Variants in SMOX observed in about 807,000 individuals in gnomAD.
SMOX encodes the protein spermine oxidase.
In SMOX, 22 loss-of-function variants were observed where a neutral mutation model predicts 51.0. The observed-to-expected ratio is 0.43, with a 90% CI of 0.31 to 0.62. The LOEUF (loss-of-function observed/expected upper bound fraction) is 0.62. Ranked by LOEUF, SMOX falls within the 20% of genes least tolerant of loss-of-function variation. The pLI is 0.10. For synonymous variants in SMOX, 282 were observed against 307.8 expected (o/e 0.92, Z 0.88); for missense variants, 566 against 777.7 (o/e 0.73, Z 3.24).
chr20:4,154,386 C>CTTTTTTTTT (rs57727682), intron 1 of SMOX, among the ~76,000 whole-genome samples: 8 of 150,062 alleles, frequency 5.3e-5, no homozygotes, highest in East Asian at 3.9e-4. Flanking sequence ...TTCTTTCTTT[C>CTTTTTTTTT]TTTTTTTGAG....
intron 1 of SMOX, chr20:4,171,640 C>G (rs371018808): frequency 6.6e-6 from 1 of 152,228 alleles, no homozygotes; most frequent in Non-Finnish European, 1.5e-5. Context: ...TGCTTACTTG[C>G]GTGTCATTCC....
chr20:4,166,042 T>G lies in SMOX; in HGVS notation c.-26-8988T>G, dbSNP rs1024159559. Among the ~76,000 whole-genome samples the G allele has an allele frequency of 2.6e-5, 4 of 152,218 alleles. No individual in the cohort carries two copies. ...AACCTGGAGGTGGAAACTTAGCTGGTGGGGCTGGCCCAGAGCTTGAAAAGT... is the reference window on the plus strand; with the variant it reads ...AACCTGGAGGTGGAAACTTAGCTGGGGGGGCTGGCCCAGAGCTTGAAAAGT... On this transcript the variant is annotated intron_variant, in intron 1 of 6. Coordinates refer to ENST00000305958, the MANE Select transcript of SMOX (RefSeq NM_175839.3). The surrounding 1 kb of genome is among the most constrained non-coding windows in gnomAD (Gnocchi z 4.2).
chr20:4,164,335 A>G (rs1358514228), intron 1 of SMOX, among the ~76,000 whole-genome samples: 1 of 152,184 alleles, frequency 6.6e-6, no homozygotes, highest in East Asian at 1.9e-4. Flanking sequence ...GGAAAACATA[A>G]GGACTATTGC....
rs970229858 is a variant in SMOX at position 4,177,949 on chromosome 20, C to T, written c.435+372C>T. Reference sequence around the variant, plus strand: ...CAGTGATGGTGATGTTTTAGACCTTCGCTCTGCAGTGTGGTAGTCACTAGC... The same window carrying T: ...CAGTGATGGTGATGTTTTAGACCTTTGCTCTGCAGTGTGGTAGTCACTAGC... On this transcript the variant is annotated intron_variant, in intron 3 of 6. Coordinates refer to ENST00000305958, the MANE Select transcript of SMOX (RefSeq NM_175839.3). This position sits in a 1 kb window ranked among gnomAD's most constrained non-coding sequence, Gnocchi z 4.3. Among the ~76,000 whole-genome samples the T allele has an allele frequency of 1.3e-5, 2 of 152,144 alleles. No homozygotes were observed. The highest frequency in any genetic ancestry group is 2.1e-4 in the South Asian group (1 of 4,824).
At chr20:4,150,788 C>A (rs1179816254) in intron 1 of SMOX, among the ~76,000 whole-genome samples, 1 of 151,464 alleles carries the variant, frequency 6.6e-6, no homozygotes, top group Non-Finnish European at 1.5e-5. Context: ...ACTCCCCAGG[C>A]CTTCCCATCT....
intron 1 of SMOX, among the ~76,000 whole-genome samples, chr20:4,155,662 T>C (rs1985988655): frequency 6.6e-6 from 1 of 152,136 alleles, no homozygotes. Flanking sequence ...TGGGGTCGAA[T>C]TAGCAATTTG....
rs1448148870 is a variant in SMOX, at chr20:4,170,752, C to T, written c.-26-4278C>T. On this transcript the variant is annotated intron_variant, in intron 1 of 6. Transcript: ENST00000305958. The surrounding 1 kb of genome is among the most constrained non-coding windows in gnomAD (Gnocchi z 4.6). The stretch of plus-strand genomic sequence containing the variant: ...CTCCCTCTTTTCCTCTCTCCATACC[C>T]TGCTGCCTTCCTGTGTCCAATGTGG... Among the ~76,000 whole-genome samples the T allele has an allele frequency of 6.6e-6, 1 of 152,194 alleles. No individual in the cohort carries two copies. Among genetic ancestry groups the T allele is most frequent in the Non-Finnish European group, 1.5e-5 (1 of 68,028 alleles).
intron 1 of SMOX, among the ~76,000 whole-genome samples, chr20:4,169,591 C>A (rs1986733158): frequency 6.6e-6 from 1 of 152,194 alleles, no homozygotes; most frequent in Non-Finnish European, 1.5e-5. Context: ...TGCCCTGTGG[C>A]TGTGGGGCTT....
chr20:4,160,925 G>A (rs796350158), intron 1 of SMOX, among the ~76,000 whole-genome samples: 6 of 152,142 alleles, frequency 3.9e-5, no homozygotes, highest in South Asian at 2.1e-4. Context: ...TGGGCTTGCC[G>A]GAGACCCCAC....
Position 4,182,006 on chromosome 20 carries a change from G to T in SMOX, c.609+30G>T. 6.2e-7 allele frequency: 1 copy of T among 1,610,828 alleles called. No individual in the cohort carries two copies. The highest frequency in any genetic ancestry group is 8.5e-7 in the Non-Finnish European group (1 of 1,178,184). On this transcript the variant is annotated intron_variant, in intron 4 of 6. Coordinates refer to ENST00000305958, the MANE Select transcript of SMOX (RefSeq NM_175839.3). This position sits in a 1 kb window ranked among gnomAD's most constrained non-coding sequence, Gnocchi z 8.4. The stretch of plus-strand genomic sequence containing the variant: ...CTTGAGGAAGACGGATTCTGGGGGC[G>T]TCTGGGTCTGAGGAGGGCTACGCTG...
At chr20:4,179,711 T>C (rs1251687193) in intron 3 of SMOX, among the ~76,000 whole-genome samples, 1 of 152,240 alleles carries the variant, frequency 6.6e-6, no homozygotes, top group Non-Finnish European at 1.5e-5. Flanking sequence ...TGTGGAATCT[T>C]GAGCAGGTTA....
rs6139343 is a variant in SMOX, at chr20:4,166,788, A to C, written c.-26-8242A>C. On this transcript the variant is annotated intron_variant, in intron 1 of 6. Coordinates refer to ENST00000305958, the MANE Select transcript of SMOX (RefSeq NM_175839.3). This position sits in a 1 kb window ranked among gnomAD's most constrained non-coding sequence, Gnocchi z 4.2. ...TTTGGCTCTGTCCCTCCATGCACTG[A>C]ATCAATGGCTGCTTCTCCTTGCAAC... Among the ~76,000 whole-genome samples the C allele has an allele frequency of 0.031, 4,650 of 152,256 alleles. 268 individuals are homozygous for C. Among genetic ancestry groups the C allele is most frequent in the East Asian group, 0.22 (1,135 of 5,158 alleles).
At chr20:4,154,445 G>A (rs1349886373) in intron 1 of SMOX, among the ~76,000 whole-genome samples, 2 of 151,330 alleles carry the variant, frequency 1.3e-5, no homozygotes, top group South Asian at 2.1e-4. Context: ...ACAGGATCTC[G>A]GCTCACTGCA....
intron 1 of SMOX, among the ~76,000 whole-genome samples, chr20:4,160,532 A>G (rs185081761): frequency 4.6e-5 from 7 of 152,100 alleles, no homozygotes; most frequent in Admixed American, 4.6e-4. Context: ...TGGGCAGCAG[A>G]GAGTTTATGA....
At chr20:4,168,254 C>T (rs953028065) in intron 1 of SMOX, among the ~76,000 whole-genome samples, 3 of 152,114 alleles carry the variant, frequency 2.0e-5, no homozygotes, top group Non-Finnish European at 2.9e-5. Context: ...CCCCTGCTGC[C>T]GAGGGCACCA....
chr20:4,182,396 A>T lies in SMOX; in HGVS notation c.917A>T (p.Asp306Val). The change falls in exon 5 of 7, where the codon GAT (aspartate) becomes GTT (valine). Residue 306 changes from aspartate to valine, a missense_variant. Coordinates refer to ENST00000305958, the MANE Select transcript of SMOX (RefSeq NM_175839.3). This position sits in a 1 kb window ranked among gnomAD's most constrained non-coding sequence, Gnocchi z 8.4. ...GGEEPRGGRW[D>V]EDEQWSVVVE... Reference sequence around the variant, plus strand: ...GAGGAGCCCCGGGGGGGCAGGTGGGATGAGGATGAGCAGTGGTCGGTGGTG... The same window carrying T: ...GAGGAGCCCCGGGGGGGCAGGTGGGTTGAGGATGAGCAGTGGTCGGTGGTG... The T allele has an allele frequency of 6.3e-7, 1 of 1,599,946 alleles. No individual in the cohort carries two copies. Among genetic ancestry groups the T allele is most frequent in the Non-Finnish European group, 8.5e-7 (1 of 1,172,216 alleles).
At position 4,171,177 on chromosome 20, in the gene SMOX, A is replaced by ATTTC. The variant is rs565480706; in HGVS notation, c.-26-3840_-26-3837dup. Among the ~76,000 whole-genome samples the ATTTC allele has an allele frequency of 1.6e-4, 24 of 152,148 alleles. 1 individual carries two copies. In the South Asian group the frequency reaches 2.9e-3, roughly 18 times the overall value. ...GCATACAGATCAAGGAGCGGATGTT[A>ATTTC]TTTCTTTCTTTCTTTCCCCAAGGCG... is the stretch of plus-strand genomic sequence containing the variant. On this transcript the variant is annotated intron_variant, in intron 1 of 6. Coordinates refer to ENST00000305958, the MANE Select transcript of SMOX (RefSeq NM_175839.3).
At chr20:4,151,023 G>A (rs1401519855) in intron 1 of SMOX, among the ~76,000 whole-genome samples, 2 of 151,794 alleles carry the variant, frequency 1.3e-5, no homozygotes, top group African/African-American at 4.8e-5. Context: ...GTAGAGATGG[G>A]GTTTCACCAT....
Position 4,183,747 on chromosome 20 carries a change from T to C in SMOX, c.1530+93T>C, listed in dbSNP as rs1428845033. 2 of 1,416,374 alleles carry C rather than the reference T, an allele frequency of 1.4e-6. No homozygotes were observed. Among genetic ancestry groups the C allele is most frequent in the Non-Finnish European group, 1.9e-6 (2 of 1,080,248 alleles). The allele number at this position is 1,416,374 out of a possible 1,614,324, so 87.7% of individuals were successfully genotyped here. A position where few individuals can be genotyped will look rare whatever the true frequency, so the allele number is the denominator to read the frequency against. On this transcript the variant is annotated intron_variant, in intron 6 of 6. Coordinates refer to ENST00000305958, the MANE Select transcript of SMOX (RefSeq NM_175839.3). This position sits in a 1 kb window ranked among gnomAD's most constrained non-coding sequence, Gnocchi z 4.3. ...TGAGGAGGGCTAGGGTAGTGTTCAC[T>C]AAGGGGTGCTCAGGTGAGGCAGGGA...
Sources: allele counts gnomAD v4.1 joint callset (sites outside exome capture counted in the v4.1 genomes callset), GRCh38; gene constraint gnomAD v4.1.1; non-coding constraint Gnocchi (gnomAD v3.1); transcripts MANE v1.5; gene names NCBI Gene and HGNC (gene_info 2026-07-23, HGNC 2026-07-21).